Variants in SERGEF observed in about 807,000 individuals in gnomAD.
The protein encoded by SERGEF is secretion regulating guanine nucleotide exchange factor, also known as secretion-regulating guanine nucleotide exchange factor.
A neutral mutation model predicts 50.0 loss-of-function variants in SERGEF; 51 were observed. The ratio of observed to expected loss-of-function variants is 1.02; its 90% confidence interval spans 0.81 to 1.29. SERGEF has a LOEUF of 1.29. SERGEF is among the 50% of genes most tolerant of loss of function. The probability of loss-of-function intolerance (pLI) is 0.00; values close to 1 mark genes in which losing one functional copy is unlikely to be tolerated. For synonymous variants in SERGEF, 205 were observed against 212.4 expected, an observed-to-expected ratio of 0.97 and a Z score of 0.30; for missense variants, 521 against 557.0, an observed-to-expected ratio of 0.94 and a Z score of 0.65.
At chr11:17,839,092 C>G (rs998655054) in intron 10 of SERGEF, among the ~76,000 whole-genome samples, 1 of 152,160 alleles carries the variant, frequency 6.6e-6, no homozygotes, top group Non-Finnish European at 1.5e-5. Flanking sequence ...ACAGATGGAA[C>G]CGTGATGACT....
intron 4 of SERGEF, 89 bp from the exon 5 acceptor site, chr11:18,000,646 C>G (rs1409856961): frequency 1.1e-6 from 1 of 939,472 alleles, no homozygotes; most frequent in African/African-American, 1.7e-5. Flanking sequence ...GCAGTACGGT[C>G]CTCATTATGG....
intron 9 of SERGEF, among the ~76,000 whole-genome samples, chr11:17,890,590 G>C (rs1204738545): frequency 6.6e-6 from 1 of 152,082 alleles, no homozygotes; most frequent in Non-Finnish European, 1.5e-5. Context: ...TTGATGGACT[G>C]ATTGATTTTT....
rs539155644 is a variant in SERGEF, at chr11:17,970,367, T to TTG, written c.845-10733_845-10732dup. ...CATGTAAGATGGCAAACTTAATCGA[T>TTG]TGTGTTCTGACTGCTCCACCGACCA... is the stretch of plus-strand genomic sequence containing the variant. On this transcript the variant is annotated intron_variant, in intron 8 of 10. Transcript: ENST00000265965. 6.6e-3 allele frequency among the ~76,000 whole-genome samples: 1,003 copies of TTG among 152,264 alleles called. 12 individuals carry two copies. The highest frequency in any genetic ancestry group is 0.023 in the African/African-American group (940 of 41,546).
chr11:17,870,006 T>C (rs1851107375), intron 10 of SERGEF, among the ~76,000 whole-genome samples: 1 of 152,340 alleles, frequency 6.6e-6, no homozygotes, highest in Non-Finnish European at 1.5e-5. Flanking sequence ...GTGGAGGTAA[T>C]TGAATCAGGG....
chr11:17,916,406 A>G (rs976098271), intron 9 of SERGEF, among the ~76,000 whole-genome samples: 3 of 152,214 alleles, frequency 2.0e-5, no homozygotes, highest in African/African-American at 7.2e-5. Context: ...TAGATGAAAG[A>G]GAAGCAGAGT....
intron 10 of SERGEF, chr11:17,846,498 C>T (rs1006948547): frequency 2.8e-6 from 1 of 358,320 alleles, no homozygotes. Flanking sequence ...CAGATAAGTT[C>T]AGATGGAGAA....
At chr11:17,792,246 G>A (rs1019386960) in intron 10 of SERGEF, among the ~76,000 whole-genome samples, 18 of 152,252 alleles carry the variant, frequency 1.2e-4, no homozygotes, top group Non-Finnish European at 2.5e-4. Context: ...AGCGCATACA[G>A]AGAGGATGAA....
At chr11:17,812,449 T>TA (rs1305046993) in intron 10 of SERGEF, among the ~76,000 whole-genome samples, 1 of 152,174 alleles carries the variant, frequency 6.6e-6, no homozygotes, top group Non-Finnish European at 1.5e-5. Context: ...CAAGCAATGG[T>TA]AAAGCTCCAC....
intron 8 of SERGEF, among the ~76,000 whole-genome samples, chr11:17,981,308 C>T (rs1259611841): frequency 6.6e-6 from 1 of 152,158 alleles, no homozygotes; most frequent in African/African-American, 2.4e-5. Flanking sequence ...ACTAAAGATA[C>T]CTATGAATTT....
At chr11:17,938,214 G>A (rs1182648308) in intron 9 of SERGEF, among the ~76,000 whole-genome samples, 1 of 152,150 alleles carries the variant, frequency 6.6e-6, no homozygotes, top group Non-Finnish European at 1.5e-5. Context: ...TATACCATGG[G>A]AAAGGAAAGG....
At chr11:17,828,891 C>T (rs746851451) in intron 10 of SERGEF, among the ~76,000 whole-genome samples, 15 of 152,074 alleles carry the variant, frequency 9.9e-5, no homozygotes, top group Non-Finnish European at 1.8e-4. Context: ...TCTTACCATC[C>T]GTAAAATGGG....
Position 17,843,862 on chromosome 11 carries a change from G to A in SERGEF, c.1048+34346C>T, listed in dbSNP as rs1590150500. Among the ~76,000 whole-genome samples the A allele has an allele frequency of 2.0e-5, 3 of 152,250 alleles. No homozygotes were observed. The South Asian group carries it at 6.2e-4, about 32-fold the overall frequency. ...GGGAAACTGAGCAAGAGAGAAAGAA[G>A]GCAAAGGATCCTAAAACATCAGAAC... On this transcript the variant is annotated intron_variant, in intron 10 of 10. Coordinates refer to ENST00000265965, the MANE Select transcript of SERGEF (RefSeq NM_012139.4).
chr11:17,800,776 G>T (rs942799926), intron 10 of SERGEF, among the ~76,000 whole-genome samples: 1 of 152,164 alleles, frequency 6.6e-6, no homozygotes, highest in Admixed American at 6.5e-5. Context: ...GAAGAACTTG[G>T]CAGGCAGAAG....
rs1391942742 is a variant in SERGEF, at chr11:17,795,407, G to A, written c.1049-6994C>T. On this transcript the variant is annotated intron_variant, in intron 10 of 10. Transcript: ENST00000265965. ...ACAGCAGGATGGAAAAAGGGGATCA[G>A]GTCCTCACGTCCCTTGCCCTATCCT... Among the ~76,000 whole-genome samples, 3 of 152,188 alleles carry A rather than the reference G, an allele frequency of 2.0e-5. No individual in the cohort carries two copies. The East Asian group carries it at 5.8e-4, about 29-fold the overall frequency.
chr11:18,011,657 G>A (rs1485833020), intron 1 of SERGEF, among the ~76,000 whole-genome samples: 2 of 152,194 alleles, frequency 1.3e-5, no homozygotes, highest in Non-Finnish European at 2.9e-5. Context: ...CAGCAGAAGG[G>A]TGTCAACAAC....
At chr11:17,817,612 T>C (rs149197033) in intron 10 of SERGEF, among the ~76,000 whole-genome samples, 109 of 152,286 alleles carry the variant, frequency 7.2e-4, no homozygotes, top group African/African-American at 2.4e-3. Flanking sequence ...CACACAAAGA[T>C]TAAATTATTT....
intron 8 of SERGEF, among the ~76,000 whole-genome samples, chr11:17,977,494 T>C (rs1327179473): frequency 6.6e-6 from 1 of 152,162 alleles, no homozygotes; most frequent in African/African-American, 2.4e-5. Flanking sequence ...ATACCTGCCC[T>C]TTCCTGCTTC....
chr11:18,005,244 T>C (rs902249893), intron 3 of SERGEF, among the ~76,000 whole-genome samples: 15 of 152,214 alleles, frequency 9.9e-5, no homozygotes, highest in African/African-American at 3.6e-4. Context: ...AGGCTCACAA[T>C]AAACACCTTA....
chr11:17,864,237 T>C (rs1850981492), intron 10 of SERGEF, among the ~76,000 whole-genome samples: 1 of 152,186 alleles, frequency 6.6e-6, no homozygotes, highest in Admixed American at 6.5e-5. Flanking sequence ...GACCAGAGCA[T>C]TGTGCTAAAC....
Sources: allele counts gnomAD v4.1 joint callset (sites outside exome capture counted in the v4.1 genomes callset), GRCh38; gene constraint gnomAD v4.1.1; transcripts MANE v1.5; gene names NCBI Gene and HGNC (gene_info 2026-07-23, HGNC 2026-07-21).